Variants in GANAB observed in about 807,000 individuals in gnomAD.
GANAB encodes neutral alpha-glucosidase AB.
A neutral mutation model predicts 129.9 loss-of-function variants in GANAB; 35 were observed. The ratio of observed to expected loss-of-function variants is 0.27; its 90% CI spans 0.21 to 0.36. The LOEUF (loss-of-function observed/expected upper bound fraction) is 0.36. Ranked by LOEUF, GANAB falls within the 10% of genes least tolerant of loss-of-function variation. GANAB has a pLI of 1.00. For missense variants in GANAB, 939 were observed against 1,221.0 expected (o/e 0.77, Z 3.44); for synonymous variants, 482 against 451.8 (o/e 1.07, Z -0.85).
At chr11:62,634,176 C>A in intron 5 of GANAB, 1 of 660,372 alleles carries the variant, frequency 1.5e-6, no homozygotes, top group Non-Finnish European at 2.8e-6. Context: ...GGTAACAGGA[C>A]CAGACATCAC....
chr11:62,625,209 G>A lies in GANAB; in HGVS notation c.*606C>T, dbSNP rs1186864465. ...CTAAGAATTGCAGCAGCTCTACAAG[G>A]AATCGGGGAGAGGAAAAGGGTAGAA... is the stretch of plus-strand genomic sequence containing the variant. On this transcript the variant is annotated 3_prime_UTR_variant, in exon 24 of 24. Transcript: ENST00000356638. 2.2e-6 allele frequency: 1 copy of A among 454,672 alleles called. No homozygotes were observed. The highest frequency in any genetic ancestry group is 4.4e-6 in the Non-Finnish European group (1 of 226,782). The allele number at this position is 454,672 out of a possible 1,614,324, so 28.2% of individuals were successfully genotyped here.
At chr11:62,639,827 A>G in intron 1 of GANAB, 96 bp from the exon 2 acceptor site, 1 of 746,716 alleles carries the variant, frequency 1.3e-6, no homozygotes. Flanking sequence ...GCACTAGAAG[A>G]TAGTTGAGGA....
chr11:62,641,463 C>T (rs1379603863), intron 1 of GANAB, among the ~76,000 whole-genome samples: 1 of 151,572 alleles, frequency 6.6e-6, no homozygotes, highest in East Asian at 1.9e-4. Context: ...ATCTTCAAAA[C>T]ACCACCATCA....
rs1001353340 is a variant in GANAB, at chr11:62,626,813, G to T, written c.2397+47C>A. 2.1e-6 allele frequency: 3 copies of T among 1,460,566 alleles called. No individual in the cohort carries two copies. In the African/African-American group the frequency reaches 4.2e-5, roughly 20 times the overall value. The allele number at this position is 1,460,566 out of a possible 1,614,324, so 90.5% of individuals were successfully genotyped here. ...AAGGCACACATTCCCTCCCCTTCTG[G>T]AAATTTACAGGGAGATGGAACCGGC... On this transcript the variant is annotated intron_variant, in intron 20 of 23. Transcript: ENST00000356638.
rs1943619443 is a variant in GANAB at position 62,630,508 on chromosome 11, G to A, written c.1387-3C>T. ...TGGGGGTCTACGATGGCCACCAGCT[G>A]GGGGCAAGGAACAGGGGTGTTCAGG... On this transcript the variant is annotated splice_region_variant and splice_polypyrimidine_tract_variant and intron_variant, in intron 11 of 23. Transcript: ENST00000356638. 2 of 1,614,158 alleles carry A rather than the reference G, an allele frequency of 1.2e-6. No individual in the cohort carries two copies. The highest frequency in any genetic ancestry group is 1.7e-6 in the Non-Finnish European group (2 of 1,180,038).
intron 3 of GANAB, 116 bp from the exon 4 acceptor site, chr11:62,639,226 A>G: frequency 7.5e-7 from 1 of 1,336,010 alleles, no homozygotes; most frequent in Non-Finnish European, 1.1e-6. Flanking sequence ...CTAAAGGCCA[A>G]GATCACATTT....
At chr11:62,629,344 C>T (rs1339815454) in intron 15 of GANAB, 49 bp from the exon 16 acceptor site, 1 of 1,308,536 alleles carries the variant, frequency 7.6e-7, no homozygotes, top group Non-Finnish European at 1.1e-6. Context: ...AGGAGTTCAG[C>T]TTTTTACATG....
At chr11:62,638,817 G>A (rs1590818353) in intron 4 of GANAB, among the ~76,000 whole-genome samples, 166 bp downstream of exon 4, 1 of 152,138 alleles carries the variant, frequency 6.6e-6, no homozygotes, top group African/African-American at 2.4e-5. Context: ...GGGATAAAGA[G>A]AAAAGTGAAA....
Position 62,626,759 on chromosome 11 carries a change from C to A in GANAB, c.2398-75G>T, listed in dbSNP as rs148213095. On this transcript the variant is annotated intron_variant, in intron 20 of 23. Coordinates refer to ENST00000356638, the MANE Select transcript of GANAB (RefSeq NM_198334.3). ...GGCCCCACAGCATGTTTTGCTTACT[C>A]ATGTATGCCCACATAGGTACTGGAC... 5.4e-3 allele frequency: 6,984 copies of A among 1,296,024 alleles called. 30 individuals carry two copies. The highest frequency in any genetic ancestry group is 6.9e-3 in the Non-Finnish European group (6,305 of 907,612). 80.3% of individuals were successfully genotyped at this position (1,296,024 alleles called of 1,614,324 possible). A position where few individuals can be genotyped will look rare whatever the true frequency, so the allele number is the denominator to read the frequency against.
intron 4 of GANAB, among the ~76,000 whole-genome samples, chr11:62,638,456 A>G (rs1265141046): frequency 6.6e-6 from 1 of 152,008 alleles, no homozygotes; most frequent in Non-Finnish European, 1.5e-5. Flanking sequence ...CCCGGCCACT[A>G]TGTTATTTTC....
In GANAB at chr11:62,639,113, G is replaced by T; in HGVS notation, c.253-3C>A. The T allele has an allele frequency of 6.2e-7, 1 of 1,613,798 alleles. No individual in the cohort carries two copies. On this transcript the variant is annotated splice_polypyrimidine_tract_variant and splice_region_variant and intron_variant, in intron 3 of 23. Transcript: ENST00000356638. ...TGAAGCTCTAGCACCAGCAACACCT[G>T]CGGGGACAGAGGTTTGGATCTGGAG...
Position 62,626,314 on chromosome 11 carries a change from G to A in GANAB, c.2624+21C>T, listed in dbSNP as rs776795874. On this transcript the variant is annotated intron_variant, in intron 22 of 23. Transcript: ENST00000356638. ...TCAGGCCCCAGCAAAGGCAGCCAAGGAAGAGTGGGTGACCCATTACCTGGA... is the reference window on the plus strand; with the variant it reads ...TCAGGCCCCAGCAAAGGCAGCCAAGAAAGAGTGGGTGACCCATTACCTGGA... 7.2e-6 allele frequency: 11 copies of A among 1,522,408 alleles called. 1 individual carries two copies. The Admixed American group carries it at 1.5e-4, about 21-fold the overall frequency. 94.3% of individuals were successfully genotyped at this position (1,522,408 alleles called of 1,614,324 possible).
intron 8 of GANAB, 84 bp downstream of exon 8, chr11:62,632,921 G>A (rs1341384895): frequency 4.0e-6 from 4 of 1,001,048 alleles, no homozygotes; most frequent in African/African-American, 1.6e-5. Context: ...CTTGCCTAGA[G>A]TATCCAATAT....
In GANAB at chr11:62,625,583, G is replaced by A. The variant is rs117685098; in HGVS notation, c.*232C>T. On this transcript the variant is annotated 3_prime_UTR_variant, in exon 24 of 24. Transcript: ENST00000356638. Reference sequence around the variant, plus strand: ...GCTCCAGTTAGAGCAACAGGATGTTGGGGGAATGAAGGGAAAGAGTTGGTA... The same window carrying A: ...GCTCCAGTTAGAGCAACAGGATGTTAGGGGAATGAAGGGAAAGAGTTGGTA... 3.4e-5 allele frequency: 19 copies of A among 557,182 alleles called. No homozygotes were observed. The highest frequency in any genetic ancestry group is 6.1e-5 in the East Asian group (2 of 32,708). The allele number at this position is 557,182 out of a possible 1,614,324, so 34.5% of individuals were successfully genotyped here. A position where few individuals can be genotyped will look rare whatever the true frequency, so the allele number is the denominator to read the frequency against.
At chr11:62,630,955 C>T (rs763865164) in intron 10 of GANAB, 75 bp downstream of exon 10, 141 of 1,524,996 alleles carry the variant, frequency 9.2e-5, no homozygotes, top group Non-Finnish European at 1.1e-4. Context: ...CAAGCTGGGG[C>T]ACAGGATCTC....
chr11:62,632,524 A>G, intron 9 of GANAB, 41 bp downstream of exon 9: 1 of 1,534,760 alleles, frequency 6.5e-7, no homozygotes. Flanking sequence ...CAAGGCCTGG[A>G]AGCTTCACTC....
In GANAB at chr11:62,630,753, C is replaced by T. The variant is rs1214836043; in HGVS notation, c.1234G>A (p.Val412Met). Residue 412 changes from valine (V) to methionine (M), a missense_variant, in exon 11 of 24, where the codon GTG becomes ATG. Physicochemically the swap from Val to Met is conservative, Grantham distance 21. Coordinates refer to ENST00000356638, the MANE Select transcript of GANAB (RefSeq NM_198334.3). The part of the protein sequence containing the change: ...NYRDEADVLE[V>M]DQGFDDHNLP... Reference sequence around the variant, plus strand: ...TTGTGATCATCAAAGCCCTGATCCACTTCCAGCACATCAGCCTCGTCCCGG... The same window carrying T: ...TTGTGATCATCAAAGCCCTGATCCATTTCCAGCACATCAGCCTCGTCCCGG... 1.2e-6 allele frequency: 2 copies of T among 1,614,062 alleles called. No individual in the cohort carries two copies. The highest frequency in any genetic ancestry group is 1.7e-6 in the Non-Finnish European group (2 of 1,180,036).
chr11:62,626,220 AAGG>A, intron 22 of GANAB, 55 bp from the exon 23 acceptor site: 1 of 1,408,784 alleles, frequency 7.1e-7, no homozygotes, highest in Non-Finnish European at 1.0e-6. Flanking sequence ...GAACAGAAGG[AAGG>A]AGGAGACCCA....
intron 3 of GANAB, 110 bp downstream of exon 3, chr11:62,639,249 A>T: frequency 7.7e-7 from 1 of 1,297,314 alleles, no homozygotes; most frequent in East Asian, 2.3e-5. Context: ...TCATAAAGTA[A>T]AAGTCCAAAG....
Sources: gnomAD v4.1 joint callset for allele counts (sites outside exome capture counted in the v4.1 genomes callset) on GRCh38, gnomAD v4.1.1 for gene constraint, MANE v1.5 for transcripts, NCBI Gene and HGNC (gene_info 2026-07-23, HGNC 2026-07-21) for gene names.